Variants in NUMA1 observed in about 807,000 individuals in gnomAD.
NUMA1 encodes SP-H antigen.
NUMA1 carries 62 observed loss-of-function variants against 237.1 expected under a neutral mutation model. The ratio of observed to expected loss-of-function variants is 0.26; its 90% CI spans 0.21 to 0.32. The LOEUF (loss-of-function observed/expected upper bound fraction) is 0.32, where lower values mean the gene tolerates loss of function less well. Among genes scored for constraint, NUMA1 ranks in the 10% least tolerant of loss-of-function variants. NUMA1 has a pLI of 1.00. For missense variants in NUMA1, 2,533 were observed against 2,666.5 expected, an observed-to-expected ratio of 0.95 and a Z score of 1.10; for synonymous variants, 1,028 against 1,066.1, an observed-to-expected ratio of 0.96 and a Z score of 0.70.
At chr11:72,016,283 TG>T (rs765019202) in intron 14 of NUMA1, 23 bp from the exon 15 acceptor site, 1 of 1,585,512 alleles carries the variant, frequency 6.3e-7, no homozygotes, top group Non-Finnish European at 8.6e-7. Context: ...AGAGACAAAC[TG>T]GGATCAGCAT....
chr11:72,028,008 AAGGC>A (rs1284296357), intron 4 of NUMA1, among the ~76,000 whole-genome samples: 1 of 152,254 alleles, frequency 6.6e-6, no homozygotes, highest in African/African-American at 2.4e-5. Flanking sequence ...CAGAGGTACT[AAGGC>A]AGGTCCTGGT....
chr11:72,003,503 G>C lies in NUMA1; in HGVS notation c.*24C>G. ...GAGGTCAGCATCGGGGACACAGGTG[G>C]GGCCACTCACTGGTACTGGCCCTTT... On this transcript the variant is annotated 3_prime_UTR_variant, in exon 27 of 27. Transcript: ENST00000393695. The C allele has an allele frequency of 6.2e-7, 1 of 1,613,082 alleles. No homozygotes were observed. The highest frequency in any genetic ancestry group is 2.2e-5 in the East Asian group (1 of 44,878).
chr11:72,064,685 T>C (rs914631318), intron 2 of NUMA1, among the ~76,000 whole-genome samples: 1 of 151,878 alleles, frequency 6.6e-6, no homozygotes, highest in African/African-American at 2.4e-5. Flanking sequence ...ATACAAAAAT[T>C]AGCCGGGCAT....
Position 72,019,724 on chromosome 11 carries a change from T to C in NUMA1, c.461-107A>G. 4.9e-6 allele frequency: 6 copies of C among 1,219,098 alleles called. No individual in the cohort carries two copies. The South Asian group carries it at 7.1e-5, about 14-fold the overall frequency. 75.5% of individuals were successfully genotyped at this position (1,219,098 alleles called of 1,614,324 possible). A position where few individuals can be genotyped will look rare whatever the true frequency, so the allele number is the denominator to read the frequency against. ...ACTCGCCTTAGTGGGAGTATATCCATGGATACTTATATGTAAACTACCAAG... is the reference window on the plus strand; with the variant it reads ...ACTCGCCTTAGTGGGAGTATATCCACGGATACTTATATGTAAACTACCAAG... On this transcript the variant is annotated intron_variant, in intron 8 of 26. Transcript: ENST00000393695.
rs758022900 is a variant in NUMA1 at position 72,013,516 on chromosome 11, C to T, written c.3987G>A (p.Leu1329=). ...AERAEELGQE[L]KAWQEKFFQK... ...GGAAGAACTTCTCCTGCCACGCCTT[C>T]AATTCTTGGCCCAGCTCCTCCGCAC... The change falls in exon 15 of 27, where the codon TTG becomes TTA. Residue 1329 remains leucine (L), a synonymous_variant. Transcript: ENST00000393695. The surrounding 1 kb of genome is among the most constrained non-coding windows in gnomAD (Gnocchi z 6.8). 20 of 1,613,598 alleles carry T rather than the reference C, an allele frequency of 1.2e-5. No homozygotes were observed. Among genetic ancestry groups the T allele is most frequent in the Non-Finnish European group, 1.7e-5 (20 of 1,180,024 alleles).
Position 72,019,545 on chromosome 11 carries a change from T to A in NUMA1, c.533A>T (p.Glu178Val). The part of the protein sequence containing the change: ...LSPPSHQAKR[E>V]IRFLELQKVA... ...CTTCTGTAGCTCTAGGAAGCGAATC[T>A]CCCTCTTGGCCTGGTGGCTAGGTGG... is the stretch of plus-strand genomic sequence containing the variant. The change falls in exon 9 of 27, where the codon GAG (glutamate) becomes GTG (valine). Residue 178 changes from glutamate to valine, a missense_variant. Glu to Val is a moderately radical substitution (Grantham distance 121). This residue lies in a region of NUMA1 where 1,414 missense variants were observed against 1,508.1 expected (regional missense o/e 0.94). Coordinates refer to ENST00000393695, the MANE Select transcript of NUMA1 (RefSeq NM_006185.4). The A allele has an allele frequency of 3.7e-6, 6 of 1,613,950 alleles. No individual in the cohort carries two copies. Among genetic ancestry groups the A allele is most frequent in the Non-Finnish European group, 5.1e-6 (6 of 1,179,888 alleles).
In NUMA1 at chr11:72,004,020, G is replaced by T; in HGVS notation, c.6203C>A (p.Ala2068Asp). The T allele has an allele frequency of 6.2e-7, 1 of 1,613,380 alleles. No individual in the cohort carries two copies. The highest frequency in any genetic ancestry group is 1.1e-5 in the South Asian group (1 of 91,034). ...KLGNSLLRRG[A>D]SKKALSKASP... Reference sequence around the variant, plus strand: ...AGCCTTGGACAGGGCCTTCTTTGAGGCTCCCCGCCGCAGAAGGCTGTTCCC... The same window carrying T: ...AGCCTTGGACAGGGCCTTCTTTGAGTCTCCCCGCCGCAGAAGGCTGTTCCC... Residue 2068 changes from alanine to aspartate, a missense_variant, in exon 26 of 27, where the codon GCC becomes GAC. This residue lies in a region of NUMA1 where 795 missense variants were observed against 750.8 expected (regional missense o/e 1.06). Coordinates refer to ENST00000393695, the MANE Select transcript of NUMA1 (RefSeq NM_006185.4).
chr11:72,012,123 G>T, intron 16 of NUMA1: 1 of 438,062 alleles, frequency 2.3e-6, no homozygotes, highest in South Asian at 5.3e-5. Context: ...GTTCAGGGTG[G>T]GAAAGATGAA....
intron 17 of NUMA1, among the ~76,000 whole-genome samples, chr11:72,010,486 G>A (rs1451129460): frequency 6.6e-6 from 1 of 152,184 alleles, no homozygotes; most frequent in Non-Finnish European, 1.5e-5. Flanking sequence ...ACTGAACAGG[G>A]GCACAGTGTA....
At chr11:72,022,175 C>A (rs1938943662) in intron 7 of NUMA1, 164 bp downstream of exon 7, 1 of 567,916 alleles carries the variant, frequency 1.8e-6, no homozygotes, top group Non-Finnish European at 3.1e-6. Context: ...GTTATTTCCT[C>A]CTGCATGCTT....
intron 5 of NUMA1, 76 bp downstream of exon 5, chr11:72,024,198 A>T (rs1403697962): frequency 7.5e-7 from 1 of 1,331,892 alleles, no homozygotes. Flanking sequence ...ACACCCATGA[A>T]CTAGTTCCTC....
intron 23 of NUMA1, among the ~76,000 whole-genome samples, 181 bp downstream of exon 23, chr11:72,005,052 A>G (rs2155146): frequency 5.3e-5 from 8 of 152,074 alleles, no homozygotes; most frequent in Non-Finnish European, 2.9e-5. Flanking sequence ...TGCCTACCCC[A>G]AGGGACTTCA....
At chr11:72,060,476 T>C (rs1942882391) in intron 2 of NUMA1, among the ~76,000 whole-genome samples, 1 of 152,060 alleles carries the variant, frequency 6.6e-6, no homozygotes. Flanking sequence ...AGATTCCATC[T>C]CTACAAAAAT....
intron 13 of NUMA1, chr11:72,017,143 C>T (rs1393880883): frequency 1.8e-5 from 3 of 171,026 alleles, no homozygotes; most frequent in African/African-American, 4.8e-5. Flanking sequence ...TCACCACACC[C>T]AGCTTATGTG....
intron 7 of NUMA1, 104 bp downstream of exon 7, chr11:72,022,235 T>A: frequency 3.1e-6 from 2 of 651,942 alleles, no homozygotes; most frequent in Non-Finnish European, 5.3e-6. Flanking sequence ...TTGCTATAAC[T>A]GTATTTTTAA....
At chr11:72,059,223 T>C (rs564294) in intron 2 of NUMA1, among the ~76,000 whole-genome samples, 140,909 of 152,064 alleles carry the variant, frequency 0.93, 65,535 homozygotes, top group Non-Finnish European at 0.98. Context: ...GCCCTTTTCA[T>C]GTAAAAATTT....
At chr11:72,065,633 C>T (rs1024760843) in intron 2 of NUMA1, 4 of 152,152 alleles carry the variant, frequency 2.6e-5, no homozygotes, top group African/African-American at 9.7e-5. Flanking sequence ...CTGCGTTTTT[C>T]ACATATCCTA....
Position 72,015,855 on chromosome 11 carries a change from G to A in NUMA1, c.1648C>T (p.Arg550Cys), listed in dbSNP as rs779257804. Reference protein sequence around the residue: ...QQQEQASQGLRHQVEQLSSSL... With the variant: ...QQQEQASQGLCHQVEQLSSSL... ...CTGCTTAGCTGCTCCACCTGGTGGC[G>A]GAGGCCCTGGGAGGCCTGTTCTTGC... Residue 550 changes from arginine to cysteine, a missense_variant, in exon 15 of 27, where the codon CGC (arginine) becomes TGC (cysteine). Transcript: ENST00000393695. The surrounding 1 kb of genome is among the most constrained non-coding windows in gnomAD (Gnocchi z 4.0). 30 of 1,613,984 alleles carry A rather than the reference G, an allele frequency of 1.9e-5. No homozygotes were observed. The South Asian group carries it at 2.2e-4, about 12-fold the overall frequency.
At chr11:72,064,841 C>T (rs1235929462) in intron 2 of NUMA1, among the ~76,000 whole-genome samples, 1 of 30,418 alleles carries the variant, frequency 3.3e-5, no homozygotes, top group South Asian at 7.5e-4. Context: ...TCAAAACAAA[C>T]AAACAAAAAA....
Sources: allele counts gnomAD v4.1 joint callset (sites outside exome capture counted in the v4.1 genomes callset), GRCh38; gene constraint gnomAD v4.1.1; regional missense constraint gnomAD v4.1.1; non-coding constraint Gnocchi (gnomAD v3.1); transcripts MANE v1.5; gene names NCBI Gene and HGNC (gene_info 2026-07-23, HGNC 2026-07-21).